The following DNAH10 variants were observed in gnomAD, a reference collection of about 807,000 sequenced individuals.
DNAH10 encodes dynein axonemal heavy chain 10, also known as axonemal beta dynein heavy chain 10.
In DNAH10, 348 loss-of-function variants were observed where a neutral mutation model predicts 506.6. The observed-to-expected ratio is 0.69, with a 90% CI of 0.63 to 0.75. The LOEUF (loss-of-function observed/expected upper bound fraction) is 0.75, where lower values mean the gene tolerates loss of function less well. DNAH10 is among the 30% of genes least tolerant of loss of function. DNAH10 has a pLI of 0.00. For synonymous variants in DNAH10, 2,059 were observed against 2,198.6 expected (o/e 0.94, Z 1.78); for missense variants, 5,179 against 5,787.1 (o/e 0.89, Z 3.41).
chr12:123,837,104 G>C (rs572439716), intron 28 of DNAH10, among the ~76,000 whole-genome samples: 34 of 147,252 alleles, frequency 2.3e-4, no homozygotes, highest in African/African-American at 8.5e-4. Flanking sequence ...GCCCACCTTG[G>C]CCTCCAAAAG....
At chr12:123,855,472 A>C (rs1951346304) in intron 36 of DNAH10, among the ~76,000 whole-genome samples, 1 of 151,888 alleles carries the variant, frequency 6.6e-6, no homozygotes, top group South Asian at 2.1e-4. Flanking sequence ...ACAAATACCC[A>C]AAACTAAAAA....
Position 123,809,769 on chromosome 12 carries a change from C to G in DNAH10, c.3144+816C>G, listed in dbSNP as rs146625698. On this transcript the variant is annotated intron_variant, in intron 19 of 78. Coordinates refer to ENST00000673944, the MANE Select transcript of DNAH10 (RefSeq NM_001372106.1). ...AACATAATCCAGATATCTTTGTGTG[C>G]TCTGTGAGGCCGCCATGCTCTAGCC... Among the ~76,000 whole-genome samples, 141 of 152,274 alleles carry G rather than the reference C, an allele frequency of 9.3e-4. 1 individual carries two copies. Among genetic ancestry groups the G allele is most frequent in the African/African-American group, 3.1e-3 (128 of 41,548 alleles).
intron 50 of DNAH10, among the ~76,000 whole-genome samples, chr12:123,880,871 A>G (rs891780010): frequency 1.5e-5 from 2 of 135,524 alleles, no homozygotes; most frequent in Non-Finnish European, 3.0e-5. Context: ...TCATTGTTCA[A>G]TTCCCACCTA....
intron 78 of DNAH10, 115 bp from the exon 79 acceptor site, chr12:123,935,220 C>G: frequency 7.7e-7 from 1 of 1,290,926 alleles, no homozygotes; most frequent in Non-Finnish European, 1.1e-6. Context: ...TGTGCGTGTT[C>G]TCAGGTGCAG....
chr12:123,896,913 C>T (rs943561418), intron 54 of DNAH10, among the ~76,000 whole-genome samples: 12 of 152,144 alleles, frequency 7.9e-5, no homozygotes, highest in Admixed American at 7.2e-4. Flanking sequence ...TAATCACATT[C>T]GTAATGTTGT....
intron 59 of DNAH10, 41 bp downstream of exon 59, chr12:123,910,713 A>ACCGT: frequency 6.2e-7 from 1 of 1,603,136 alleles, no homozygotes; most frequent in Non-Finnish European, 8.5e-7. Flanking sequence ...CTGCCAAGGG[A>ACCGT]CCCATTCAGA....
In DNAH10 at chr12:123,851,078, T is replaced by TG. The variant is rs1199259242; in HGVS notation, c.6291+8dup. 4 of 1,594,330 alleles carry TG rather than the reference T, an allele frequency of 2.5e-6. No individual in the cohort carries two copies. In the South Asian group the frequency reaches 3.4e-5, roughly 13 times the overall value. ...TCTGAGGGCTTCCTGGAGGCCAAGGTGGGGGGCCTTGGCAGCGCCAGGTCG... is the reference window on the plus strand; with the variant it reads ...TCTGAGGGCTTCCTGGAGGCCAAGGTGGGGGGGCCTTGGCAGCGCCAGGTCG... On this transcript the variant is annotated splice_region_variant and intron_variant, in intron 35 of 78. Transcript: ENST00000673944.
chr12:123,767,569 C>G, intron 1 of DNAH10, 37 bp from the exon 2 acceptor site: 2 of 1,578,110 alleles, frequency 1.3e-6, no homozygotes, highest in Non-Finnish European at 1.7e-6. Flanking sequence ...TGAACAATTA[C>G]GTTTAATATT....
chr12:123,829,177 G>A (rs972389182), intron 25 of DNAH10, among the ~76,000 whole-genome samples: 9 of 152,192 alleles, frequency 5.9e-5, no homozygotes, highest in African/African-American at 1.7e-4. Flanking sequence ...TGGGGTGGTC[G>A]AAGTTGAGGG....
chr12:123,891,483 G>C (rs1162154484), intron 52 of DNAH10, among the ~76,000 whole-genome samples: 1 of 152,188 alleles, frequency 6.6e-6, no homozygotes, highest in Non-Finnish European at 1.5e-5. Context: ...CAGAGTCACT[G>C]ACATGTGGTG....
At chr12:123,930,351 C>T in intron 72 of DNAH10, 51 bp from the exon 73 acceptor site, 2 of 1,446,224 alleles carry the variant, frequency 1.4e-6, no homozygotes, top group Non-Finnish European at 9.1e-7. Flanking sequence ...CCCCAGGGTG[C>T]ACACAGTAGG....
At chr12:123,844,134 C>T (rs940813997) in intron 30 of DNAH10, among the ~76,000 whole-genome samples, 4 of 151,486 alleles carry the variant, frequency 2.6e-5, no homozygotes, top group Admixed American at 1.3e-4. Context: ...CACAAGGTGG[C>T]GGGAAAGAGA....
intron 51 of DNAH10, among the ~76,000 whole-genome samples, chr12:123,883,719 G>T (rs1165770521): frequency 6.6e-6 from 1 of 152,132 alleles, no homozygotes; most frequent in Admixed American, 6.5e-5. Flanking sequence ...AATTACAAAT[G>T]ATCTTTATTT....
chr12:123,926,576 C>T lies in DNAH10; in HGVS notation c.11922-61C>T. The T allele has an allele frequency of 1.3e-6, 2 of 1,555,006 alleles. No individual in the cohort carries two copies. The highest frequency in any genetic ancestry group is 1.7e-6 in the Non-Finnish European group (2 of 1,144,298). On this transcript the variant is annotated intron_variant, in intron 68 of 78. Transcript: ENST00000673944. This position sits in a 1 kb window ranked among gnomAD's most constrained non-coding sequence, Gnocchi z 4.1. Reference sequence around the variant, plus strand: ...GAGGAGGCAGCGCTGATCAGACAGACCAGCCCCTGGTCTGGAGCTGTCCTC... The same window carrying T: ...GAGGAGGCAGCGCTGATCAGACAGATCAGCCCCTGGTCTGGAGCTGTCCTC...
intron 56 of DNAH10, among the ~76,000 whole-genome samples, chr12:123,899,359 T>C (rs1220153073): frequency 1.3e-5 from 2 of 152,170 alleles, no homozygotes; most frequent in Non-Finnish European, 2.9e-5. Flanking sequence ...GCCTCCTCTC[T>C]AGGTCTTTGG....
intron 71 of DNAH10, 42 bp downstream of exon 71, chr12:123,929,526 G>A (rs927799226): frequency 6.3e-7 from 1 of 1,595,652 alleles, no homozygotes; most frequent in South Asian, 1.1e-5. Flanking sequence ...TTCCTTAGGC[G>A]GCCCACTTCC....
In DNAH10 at chr12:123,762,488, A is replaced by T; in HGVS notation, c.152A>T (p.Glu51Val). 1 of 1,521,562 alleles carries T rather than the reference A, an allele frequency of 6.6e-7. No individual in the cohort carries two copies. The highest frequency in any genetic ancestry group is 2.0e-5 in the Admixed American group (1 of 49,042). The allele number at this position is 1,521,562 out of a possible 1,614,324, so 94.3% of individuals were successfully genotyped here. A position where few individuals can be genotyped will look rare whatever the true frequency, so the allele number is the denominator to read the frequency against. The change falls in exon 1 of 79, where the codon GAG becomes GTG. Residue 51 changes from glutamate (E) to valine (V), a missense_variant. Glu to Val is a moderately radical substitution (Grantham distance 121). Transcript: ENST00000673944. This position sits in a 1 kb window ranked among gnomAD's most constrained non-coding sequence, Gnocchi z 5.0. ...LHFLNQASEEEGPSALFIYRT... is the reference protein window; with the variant it reads ...LHFLNQASEEVGPSALFIYRT... ...TTCCTCAACCAGGCGAGCGAGGAGGAGGGGCCCTCGGCGCTCTTCATCTAC... is the reference window on the plus strand; with the variant it reads ...TTCCTCAACCAGGCGAGCGAGGAGGTGGGGCCCTCGGCGCTCTTCATCTAC...
rs550970669 is a variant in DNAH10, at chr12:123,764,466, C to G, written c.214+1916C>G. ...ATTGACCGTTTAACATGTACCACCA[C>G]TGCAGGAACTCGGGTTTCGTTTACA... On this transcript the variant is annotated intron_variant, in intron 1 of 78. Transcript: ENST00000673944. Among the ~76,000 whole-genome samples the G allele has an allele frequency of 2.0e-5, 3 of 152,086 alleles. No individual in the cohort carries two copies. In the South Asian group the frequency reaches 6.2e-4, roughly 32 times the overall value.
intron 3 of DNAH10, among the ~76,000 whole-genome samples, chr12:123,772,395 G>C (rs1038192830): frequency 6.6e-6 from 1 of 152,226 alleles, no homozygotes; most frequent in African/African-American, 2.4e-5. Context: ...CGGTTCTGAA[G>C]ACGTTTGGCA....
Sources: gnomAD v4.1 joint callset for allele counts (sites outside exome capture counted in the v4.1 genomes callset) on GRCh38, gnomAD v4.1.1 for gene constraint, Gnocchi (gnomAD v3.1) non-coding constraint, MANE v1.5 for transcripts, NCBI Gene and HGNC (gene_info 2026-07-23, HGNC 2026-07-21) for gene names.